The following SPEN variants were observed in gnomAD, a reference collection of about 807,000 sequenced individuals.
SPEN encodes spen family transcriptional repressor, also known as msx2-interacting protein.
A neutral mutation model predicts 269.9 loss-of-function variants in SPEN; 18 were observed. That is an observed-to-expected ratio of 0.07 (90% CI 0.05 to 0.10). The LOEUF is 0.10. Among genes scored for constraint, SPEN ranks in the 10% least tolerant of loss-of-function variants. The probability of loss-of-function intolerance (pLI) is 1.00; values close to 1 mark genes in which losing one functional copy is unlikely to be tolerated. For synonymous variants in SPEN, 1,726 were observed against 1,765.7 expected (o/e 0.98, Z 0.56); for missense variants, 3,822 against 4,631.2 (o/e 0.83, Z 5.07).
intron 5 of SPEN, among the ~76,000 whole-genome samples, chr1:15,915,453 C>T (rs2071049441): frequency 1.3e-5 from 2 of 152,184 alleles, no homozygotes; most frequent in South Asian, 4.1e-4. Context: ...CCTGCCAGTA[C>T]ACTCCAGTCT....
At chr1:15,892,992 G>C (rs533125236) in intron 3 of SPEN, among the ~76,000 whole-genome samples, 2 of 152,122 alleles carry the variant, frequency 1.3e-5, no homozygotes, top group Non-Finnish European at 2.9e-5. Flanking sequence ...CAGCTAATCA[G>C]GAGGCTGAGG....
At chr1:15,852,860 A>G (rs190171814) in intron 1 of SPEN, among the ~76,000 whole-genome samples, 235 of 152,324 alleles carry the variant, frequency 1.5e-3, no homozygotes, top group Admixed American at 2.5e-3. Flanking sequence ...TGGAGACTAT[A>G]TATTTCTTTG....
intron 1 of SPEN, among the ~76,000 whole-genome samples, chr1:15,852,757 A>G (rs1569960331): frequency 1.3e-5 from 2 of 152,364 alleles, no homozygotes; most frequent in East Asian, 3.9e-4. Flanking sequence ...GTTTTTCCAA[A>G]TAGTCTTTCA....
chr1:15,848,188 G>T lies in SPEN; in HGVS notation c.83+38G>T, dbSNP rs776945585. ...AGGCCCGCGGCCGCGCTCGCTCCTC[G>T]GGCGCCGCTTCCCGCCCCGGCCCGT... On this transcript the variant is annotated intron_variant, in intron 1 of 14. Transcript: ENST00000375759. This position sits in a 1 kb window ranked among gnomAD's most constrained non-coding sequence, Gnocchi z 5.1. 147 of 1,391,274 alleles carry T rather than the reference G, an allele frequency of 1.1e-4. 3 individuals carry two copies. In the South Asian group the frequency reaches 1.9e-3, roughly 18 times the overall value. The allele number at this position is 1,391,274 out of a possible 1,614,324, so 86.2% of individuals were successfully genotyped here. A position where few individuals can be genotyped will look rare whatever the true frequency, so the allele number is the denominator to read the frequency against.
intron 10 of SPEN, among the ~76,000 whole-genome samples, chr1:15,924,027 T>G (rs922856831): frequency 2.0e-5 from 3 of 152,254 alleles, no homozygotes; most frequent in Admixed American, 2.0e-4. Flanking sequence ...AGCTCAAACT[T>G]GTCAGGTTTT....
chr1:15,940,210 A>G lies in SPEN; in HGVS notation c.*783A>G, dbSNP rs900020616. 4.3e-6 allele frequency: 1 copy of G among 231,950 alleles called. No homozygotes were observed. Among genetic ancestry groups the G allele is most frequent in the Non-Finnish European group, 8.5e-6 (1 of 117,056 alleles). The allele number at this position is 231,950 out of a possible 1,614,324, so 14.4% of individuals were successfully genotyped here. On this transcript the variant is annotated 3_prime_UTR_variant, in exon 15 of 15. Coordinates refer to ENST00000375759, the MANE Select transcript of SPEN (RefSeq NM_015001.3). Reference sequence around the variant, plus strand: ...TGTTTTCAGAGGAAATCTTATTTTCATATTCAGACTTTGTATTGCCCACTC... The same window carrying G: ...TGTTTTCAGAGGAAATCTTATTTTCGTATTCAGACTTTGTATTGCCCACTC...
intron 3 of SPEN, among the ~76,000 whole-genome samples, chr1:15,901,574 T>C (rs2070900611): frequency 1.4e-5 from 2 of 141,160 alleles, no homozygotes; most frequent in Non-Finnish European, 3.0e-5. Context: ...CATTTGAACC[T>C]GGGGATCGGA....
In SPEN at chr1:15,909,052, G is replaced by GA. The variant is rs199942136; in HGVS notation, c.882-259dup. On this transcript the variant is annotated intron_variant, in intron 3 of 14. Coordinates refer to ENST00000375759, the MANE Select transcript of SPEN (RefSeq NM_015001.3). ...TGAATTCACTAGTCTTACTTCATTT[G>GA]AAAAAAAAAAGTTCAAGTTATTAAT... Among the ~76,000 whole-genome samples the GA allele has an allele frequency of 2.3e-4, 34 of 147,946 alleles. No individual in the cohort carries two copies. In the South Asian group the frequency reaches 3.2e-3, roughly 14 times the overall value.
At chr1:15,854,777 G>A (rs1303838100) in intron 1 of SPEN, among the ~76,000 whole-genome samples, 2 of 151,994 alleles carry the variant, frequency 1.3e-5, no homozygotes, top group African/African-American at 4.8e-5. Flanking sequence ...CACCGCGACC[G>A]GCCAAAACCA....
rs1441730156 is a variant in SPEN, at chr1:15,937,665, G to C, written c.10509+20G>C. 1.2e-6 allele frequency: 2 copies of C among 1,607,906 alleles called. No homozygotes were observed. The highest frequency in any genetic ancestry group is 2.7e-5 in the African/African-American group (2 of 74,720). ...CTGAAGGTAAGCATGAGCAGGGGCTGCCCTTCCTGGCCCCCAAGTTTTATG... is the reference window on the plus strand; with the variant it reads ...CTGAAGGTAAGCATGAGCAGGGGCTCCCCTTCCTGGCCCCCAAGTTTTATG... On this transcript the variant is annotated intron_variant, in intron 12 of 14. Transcript: ENST00000375759. The surrounding 1 kb of genome is among the most constrained non-coding windows in gnomAD (Gnocchi z 5.7).
chr1:15,913,718 A>C (rs763987569), intron 5 of SPEN, among the ~76,000 whole-genome samples: 141 of 151,928 alleles, frequency 9.3e-4, no homozygotes, highest in Non-Finnish European at 1.8e-3. Context: ...GGGAGACCCC[A>C]TCTCTACAAA....
chr1:15,901,331 A>AAAAAT (rs1557749063), intron 3 of SPEN, among the ~76,000 whole-genome samples: 2 of 151,304 alleles, frequency 1.3e-5, no homozygotes, highest in African/African-American at 4.9e-5. Flanking sequence ...AAAAAATAAA[A>AAAAAT]AAATAAAAAA....
At chr1:15,918,352 A>G (rs940740557) in intron 6 of SPEN, among the ~76,000 whole-genome samples, 3 of 152,176 alleles carry the variant, frequency 2.0e-5, no homozygotes, top group Non-Finnish European at 4.4e-5. Context: ...CAGAATAACT[A>G]GGATTACAGG....
Position 15,911,214 on chromosome 1 carries a change from C to G in SPEN, c.1156C>G (p.Gln386Glu). 1 of 1,614,038 alleles carries G rather than the reference C, an allele frequency of 6.2e-7. No homozygotes were observed. Among genetic ancestry groups the G allele is most frequent in the South Asian group, 1.1e-5 (1 of 91,074 alleles). The stretch of plus-strand genomic sequence containing the variant: ...GTATGGTCTGGTATTCTTTCGGCAG[C>G]AAGAGGACCAAGAAAAAGCCTTGAC... ...ERYGLVFFRQ[Q>E]EDQEKALTAS... The change falls in exon 5 of 15, where the codon CAA (glutamine) becomes GAA (glutamate). Residue 386 changes from glutamine (Q) to glutamate (E), a missense_variant. Transcript: ENST00000375759.
chr1:15,929,213 C>T lies in SPEN; in HGVS notation c.2973C>T (p.Ser991=). ...CCAGGAAAAGGCGCTTTGCAGATTCCAATTTAAAAGCAGAAAAGCAAAAAC... is the reference window on the plus strand; with the variant it reads ...CCAGGAAAAGGCGCTTTGCAGATTCTAATTTAAAAGCAGAAAAGCAAAAAC... ...LEARKRRFAD[S]NLKAEKQKPE... The change falls in exon 11 of 15, where the codon TCC becomes TCT. Residue 991 remains serine (S), a synonymous_variant. Transcript: ENST00000375759. The surrounding 1 kb of genome is among the most constrained non-coding windows in gnomAD (Gnocchi z 5.8). 3 of 1,614,096 alleles carry T rather than the reference C, an allele frequency of 1.9e-6. No individual in the cohort carries two copies. Among genetic ancestry groups the T allele is most frequent in the Non-Finnish European group, 2.5e-6 (3 of 1,180,020 alleles).
At chr1:15,850,783 G>A (rs1330499562) in intron 1 of SPEN, among the ~76,000 whole-genome samples, 1 of 152,170 alleles carries the variant, frequency 6.6e-6, no homozygotes, top group East Asian at 1.9e-4. Context: ...CAGAACGATG[G>A]CTCTGCAAGA....
At chr1:15,870,147 G>T (rs1322769862) in intron 1 of SPEN, among the ~76,000 whole-genome samples, 1 of 152,164 alleles carries the variant, frequency 6.6e-6, no homozygotes, top group African/African-American at 2.4e-5. Context: ...TGCGATTACA[G>T]GTGTGAGCCA....
At chr1:15,918,294 C>T (rs1472673963) in intron 6 of SPEN, among the ~76,000 whole-genome samples, 3 of 152,248 alleles carry the variant, frequency 2.0e-5, no homozygotes, top group African/African-American at 4.8e-5. Flanking sequence ...TCTTGGCTTA[C>T]CGCAACCTCT....
At chr1:15,862,400 A>G (rs1569974236) in intron 1 of SPEN, among the ~76,000 whole-genome samples, 1 of 152,198 alleles carries the variant, frequency 6.6e-6, no homozygotes, top group East Asian at 1.9e-4. Flanking sequence ...CTTAATGGTC[A>G]TCGTGATTAT....
Sources: gnomAD v4.1 joint callset for allele counts (sites outside exome capture counted in the v4.1 genomes callset) on GRCh38, gnomAD v4.1.1 for gene constraint, Gnocchi (gnomAD v3.1) non-coding constraint, MANE v1.5 for transcripts, NCBI Gene and HGNC (gene_info 2026-07-23, HGNC 2026-07-21) for gene names.